PAPLN: variants seen among roughly 807,000 people sequenced by gnomAD.
The protein encoded by PAPLN is papilin.
In PAPLN, 146 loss-of-function variants were observed where a neutral mutation model predicts 159.0. The ratio of observed to expected loss-of-function variants is 0.92; its 90% CI spans 0.80 to 1.05. The LOEUF (loss-of-function observed/expected upper bound fraction) is 1.05. PAPLN is among the 50% of genes least tolerant of loss of function. The probability of loss-of-function intolerance (pLI) is 0.00; values close to 1 mark genes in which losing one functional copy is unlikely to be tolerated. For synonymous variants in PAPLN, 734 were observed against 702.9 expected (o/e 1.04, Z -0.70); for missense variants, 1,720 against 1,743.9 (o/e 0.99, Z 0.24).
At chr14:73,249,458 G>A (rs547772888) in intron 5 of PAPLN, among the ~76,000 whole-genome samples, 148 of 152,260 alleles carry the variant, frequency 9.7e-4, no homozygotes, top group Non-Finnish European at 7.6e-4. Context: ...TGGATCACCT[G>A]AGGTCAGGAG....
In PAPLN at chr14:73,250,333, G is replaced by A. The variant is rs553195658; in HGVS notation, c.465+219G>A. 2.6e-5 allele frequency among the ~76,000 whole-genome samples: 4 copies of A among 152,344 alleles called. No homozygotes were observed. The East Asian group carries it at 7.7e-4, about 29-fold the overall frequency. On this transcript the variant is annotated intron_variant, in intron 6 of 26. Coordinates refer to ENST00000644200, the MANE Select transcript of PAPLN (RefSeq NM_001365906.3). ...TTGGAGAACGCTAGCCCTACAATAA[G>A]AGAAACCCTCTGGGTGGCAGAAATC... is the stretch of plus-strand genomic sequence containing the variant.
chr14:73,251,026 C>G lies in PAPLN; in HGVS notation c.585C>G (p.Ser195Arg). 1 of 1,610,732 alleles carries G rather than the reference C, an allele frequency of 6.2e-7. No individual in the cohort carries two copies. Among genetic ancestry groups the G allele is most frequent in the Non-Finnish European group, 8.5e-7 (1 of 1,178,518 alleles). The change falls in exon 7 of 27, where the codon AGC becomes AGG. Residue 195 changes from serine (S) to arginine (R), a missense_variant. Coordinates refer to ENST00000644200, the MANE Select transcript of PAPLN (RefSeq NM_001365906.3). The part of the protein sequence containing the change: ...VAGTFDANDL[S>R]RGYNQILIVP... The stretch of plus-strand genomic sequence containing the variant: ...GCACCTTTGACGCTAATGACCTCAG[C>G]CGAGGTGGGGGTGGTTCCGACAAGG...
chr14:73,263,869 C>T, intron 20 of PAPLN, 87 bp downstream of exon 20: 3 of 1,401,108 alleles, frequency 2.1e-6, no homozygotes, highest in South Asian at 1.2e-5. Context: ...TCCCCCACCT[C>T]CTCTGATAGG....
At chr14:73,251,956 G>A (rs1885319241) in intron 9 of PAPLN, 62 bp from the exon 10 acceptor site, 5 of 1,560,252 alleles carry the variant, frequency 3.2e-6, no homozygotes, top group Non-Finnish European at 4.3e-6. Context: ...GGGCTGTGAG[G>A]CTGCGGAGGG....
chr14:73,244,282 C>A, intron 2 of PAPLN: 1 of 185,826 alleles, frequency 5.4e-6, no homozygotes, highest in Non-Finnish European at 1.1e-5. Flanking sequence ...CCTTTATTTT[C>A]TTTTAGGCCC....
intron 2 of PAPLN, among the ~76,000 whole-genome samples, chr14:73,240,655 C>T (rs925836979): frequency 1.3e-5 from 2 of 152,130 alleles, no homozygotes; most frequent in African/African-American, 4.8e-5. Context: ...CTGTATTGGA[C>T]TGCGAATTAA....
chr14:73,261,085 C>A, intron 17 of PAPLN, 71 bp from the exon 18 acceptor site: 1 of 1,610,252 alleles, frequency 6.2e-7, no homozygotes. Context: ...CCATCCTCCC[C>A]GTGGCAGCCC....
chr14:73,262,724 G>A lies in PAPLN; in HGVS notation c.2620G>A (p.Ala874Thr). 2 of 1,510,838 alleles carry A rather than the reference G, an allele frequency of 1.3e-6. No individual in the cohort carries two copies. The highest frequency in any genetic ancestry group is 1.4e-5 in the South Asian group (1 of 73,026). 93.6% of individuals were successfully genotyped at this position (1,510,838 alleles called of 1,614,324 possible). The change falls in exon 19 of 27, where the codon GCC becomes ACC. Residue 874 changes from alanine to threonine, a missense_variant. Ala to Thr is a moderately conservative substitution (Grantham distance 58). Transcript: ENST00000644200. ...PGPGEAPHTQ[A>T]FGEWPWGQEL... ...GCCAGGGGAGGCCCCCCACACCCAG[G>A]CCTTTGGAGAATGGCCATGGGGGCA...
chr14:73,242,991 T>G (rs1301539416), intron 2 of PAPLN: 1 of 152,228 alleles, frequency 6.6e-6, no homozygotes, highest in Admixed American at 6.5e-5. Context: ...AGCAAGAGCC[T>G]GCTTTTCTTT....
chr14:73,266,877 C>T, intron 25 of PAPLN, 46 bp downstream of exon 25: 2 of 1,532,036 alleles, frequency 1.3e-6, no homozygotes, highest in Non-Finnish European at 1.8e-6. Flanking sequence ...ACCTTCACAA[C>T]CTCAGGTGTG....
chr14:73,260,581 C>A, intron 16 of PAPLN, 128 bp from the exon 17 acceptor site: 1 of 1,213,692 alleles, frequency 8.2e-7, no homozygotes, highest in Non-Finnish European at 1.1e-6. Context: ...CACACGGGGA[C>A]ACGTCCTCTC....
At chr14:73,256,386 G>A (rs1885908329) in intron 14 of PAPLN, among the ~76,000 whole-genome samples, 1 of 152,044 alleles carries the variant, frequency 6.6e-6, no homozygotes, top group South Asian at 2.1e-4. Flanking sequence ...CAAAAAATTA[G>A]CTGGGCGTTG....
intron 1 of PAPLN, 82 bp from the exon 2 acceptor site, chr14:73,239,691 G>T: frequency 6.6e-7 from 1 of 1,525,308 alleles, no homozygotes; most frequent in Non-Finnish European, 8.8e-7. Flanking sequence ...GCCATAGGGA[G>T]AGACGCGCCC....
rs759873984 is a variant in PAPLN at position 73,254,994 on chromosome 14, A to G, written c.1603A>G (p.Thr535Ala). 1.9e-6 allele frequency: 3 copies of G among 1,613,604 alleles called. No individual in the cohort carries two copies. Among genetic ancestry groups the G allele is most frequent in the East Asian group, 4.5e-5 (2 of 44,874 alleles). The change falls in exon 14 of 27, where the codon ACG becomes GCG. Residue 535 changes from threonine (T) to alanine (A), a missense_variant. Thr to Ala is a moderately conservative substitution (Grantham distance 58, BLOSUM62 0). Coordinates refer to ENST00000644200, the MANE Select transcript of PAPLN (RefSeq NM_001365906.3). ...SKPVDVEPCNTQPCHLPQEVP... is the reference protein window; with the variant it reads ...SKPVDVEPCNAQPCHLPQEVP... ...GCCTGTGGATGTGGAGCCTTGTAAC[A>G]CGCAGCCCTGTCATCTCCCCCAGGG... is the stretch of plus-strand genomic sequence containing the variant.
At position 73,272,699 on chromosome 14, in the gene PAPLN, G is replaced by T; in HGVS notation, c.*35G>T. On this transcript the variant is annotated 3_prime_UTR_variant, in exon 27 of 27. Transcript: ENST00000644200. The stretch of plus-strand genomic sequence containing the variant: ...CTAGTTCCAGCCCCAGTCCAAAATA[G>T]TTCATAGGGCTAGGGAGAAAGGAAG... The T allele has an allele frequency of 6.7e-7, 1 of 1,501,680 alleles. No homozygotes were observed. Among genetic ancestry groups the T allele is most frequent in the South Asian group, 1.3e-5 (1 of 75,300 alleles). 93.0% of individuals were successfully genotyped at this position (1,501,680 alleles called of 1,614,324 possible).
rs1051625482 is a variant in PAPLN at position 73,265,190 on chromosome 14, T to C, written c.3126-180T>C. On this transcript the variant is annotated intron_variant, in intron 22 of 26. Coordinates refer to ENST00000644200, the MANE Select transcript of PAPLN (RefSeq NM_001365906.3). The surrounding 1 kb of genome is among the most constrained non-coding windows in gnomAD (Gnocchi z 4.1). ...GGAGTGGTAGTGGCGGGGAGGCAGC[T>C]TTAGACTTCACCCCAGGTAGTTATT... 5.3e-5 allele frequency among the ~76,000 whole-genome samples: 8 copies of C among 151,892 alleles called. No individual in the cohort carries two copies. Among genetic ancestry groups the C allele is most frequent in the African/African-American group, 1.7e-4 (7 of 41,364 alleles).
chr14:73,258,874 C>A (rs1262102765), intron 14 of PAPLN, 105 bp from the exon 15 acceptor site: 25 of 1,085,972 alleles, frequency 2.3e-5, no homozygotes, highest in Non-Finnish European at 3.1e-5. Flanking sequence ...CAGGCCCTGC[C>A]TGGGCAGTGG....
chr14:73,244,402 G>C, intron 2 of PAPLN: 1 of 448,660 alleles, frequency 2.2e-6, no homozygotes, highest in Non-Finnish European at 4.0e-6. Context: ...CTTCCCAGCT[G>C]CTCCTGCTCC....
At position 73,263,570 on chromosome 14, in the gene PAPLN, T is replaced by C. The variant is rs1594823034; in HGVS notation, c.2724-75T>C. On this transcript the variant is annotated intron_variant, in intron 19 of 26. Coordinates refer to ENST00000644200, the MANE Select transcript of PAPLN (RefSeq NM_001365906.3). ...AGGATGGGCCCCAAGCTGTCTGTCA[T>C]GGAACACACTGCTTAGGGTGGTTCT... 3.1e-6 allele frequency: 5 copies of C among 1,591,746 alleles called. No individual in the cohort carries two copies. In the East Asian group the frequency reaches 1.1e-4, roughly 36 times the overall value.
Sources: gnomAD v4.1 joint callset for allele counts (sites outside exome capture counted in the v4.1 genomes callset) on GRCh38, gnomAD v4.1.1 for gene constraint, Gnocchi (gnomAD v3.1) non-coding constraint, MANE v1.5 for transcripts, NCBI Gene and HGNC (gene_info 2026-07-23, HGNC 2026-07-21) for gene names.